Variants in CTSC observed in about 807,000 individuals in gnomAD.
The protein encoded by CTSC is dipeptidyl peptidase 1.
CTSC carries 37 observed loss-of-function variants against 40.9 expected under a neutral mutation model. That is an observed-to-expected ratio of 0.91 (90% CI 0.70 to 1.19). The LOEUF is 1.19. CTSC is among the 50% of genes most tolerant of loss of function. CTSC has a pLI of 0.00. For missense variants in CTSC, 594 were observed against 567.3 expected (o/e 1.05, Z -0.48); for synonymous variants, 232 against 207.4 (o/e 1.12, Z -1.02).
intron 5 of CTSC, chr11:88,299,355 C>T (rs2134769535): frequency 6.6e-6 from 1 of 152,270 alleles, no homozygotes; most frequent in African/African-American, 2.4e-5. Context: ...TTTCCAATCC[C>T]ACTTTCCAAA....
At chr11:88,317,854 C>G (rs1405794980) in intron 2 of CTSC, among the ~76,000 whole-genome samples, 1 of 152,136 alleles carries the variant, frequency 6.6e-6, no homozygotes, top group Non-Finnish European at 1.5e-5. Context: ...AGATAATTTC[C>G]TAAAATATGA....
At chr11:88,326,512 T>C (rs1423153007) in intron 2 of CTSC, 3 of 871,476 alleles carry the variant, frequency 3.4e-6, no homozygotes, top group Non-Finnish European at 5.3e-6. Flanking sequence ...TTTAATCATA[T>C]CAGTTTCTTT....
chr11:88,335,088 GA>G lies in CTSC; in HGVS notation c.173-7del, dbSNP rs11326739. ...TACTTTTTTTTCTTGTGGTCCTAAAGAAAAAAAAAAAAAGCACAATAAAGGA... is the reference window on the plus strand; with the variant it reads ...TACTTTTTTTTCTTGTGGTCCTAAAGAAAAAAAAAAAAGCACAATAAAGGA... On this transcript the variant is annotated splice_polypyrimidine_tract_variant and splice_region_variant and intron_variant, in intron 1 of 6. Coordinates refer to ENST00000227266, the MANE Select transcript of CTSC (RefSeq NM_001814.6). 0.12 allele frequency: 130,590 copies of G among 1,133,870 alleles called. 593 individuals are homozygous for G. Among genetic ancestry groups the G allele is most frequent in the East Asian group, 0.19 (6,617 of 35,462 alleles). 70.2% of individuals were successfully genotyped at this position (1,133,870 alleles called of 1,614,324 possible). A position where few individuals can be genotyped will look rare whatever the true frequency, so the allele number is the denominator to read the frequency against.
At chr11:88,308,485 ATTTT>A (rs1937684168) in intron 4 of CTSC, among the ~76,000 whole-genome samples, 1 of 151,378 alleles carries the variant, frequency 6.6e-6, no homozygotes, top group Admixed American at 6.6e-5. Flanking sequence ...ATTTTATTTT[ATTTT>A]ATTTTATCTT....
At chr11:88,324,396 A>G (rs904406861) in intron 2 of CTSC, 54 of 983,998 alleles carry the variant, frequency 5.5e-5, no homozygotes, top group East Asian at 1.1e-4. Flanking sequence ...GAAATATGCA[A>G]TTCTTTTAAA....
chr11:88,297,388 AC>A (rs1174370838), intron 5 of CTSC: 1 of 152,078 alleles, frequency 6.6e-6, no homozygotes, highest in Non-Finnish European at 1.5e-5. Context: ...GAGTGAGGAT[AC>A]TTTTTTTTTC....
At chr11:88,326,347 G>T (rs1228737854) in intron 2 of CTSC, 4 of 1,613,696 alleles carry the variant, frequency 2.5e-6, no homozygotes, top group Non-Finnish European at 3.4e-6. Flanking sequence ...GCTACAGGTA[G>T]GTCCACACTG....
intron 5 of CTSC, 196 bp from the exon 6 acceptor site, chr11:88,296,460 C>G: frequency 1.7e-6 from 1 of 586,032 alleles, no homozygotes; most frequent in Non-Finnish European, 3.0e-6. Flanking sequence ...CATCCTTTTT[C>G]ATCAAAAGGC....
intron 2 of CTSC, among the ~76,000 whole-genome samples, chr11:88,329,445 GACTCC>G (rs1938283969): frequency 1.9e-5 from 2 of 105,764 alleles, no homozygotes; most frequent in African/African-American, 3.8e-5. Flanking sequence ...GACAGAGCTA[GACTCC>G]ATTTCAAAAA....
At chr11:88,321,194 T>C (rs773037216) in intron 2 of CTSC, 28 of 230,284 alleles carry the variant, frequency 1.2e-4, no homozygotes, top group Non-Finnish European at 2.0e-4. Context: ...GCAGGTTTCT[T>C]ACATAGATAA....
At chr11:88,309,812 GCGCA>G (rs201137522) in intron 3 of CTSC, among the ~76,000 whole-genome samples, 18,234 of 107,714 alleles carry the variant, frequency 0.17, 1,936 homozygotes, top group African/African-American at 0.36. Flanking sequence ...ATATGTATGC[GCGCA>G]CACACACACA....
chr11:88,301,800 ACACACG>A (rs1404799845), intron 4 of CTSC, among the ~76,000 whole-genome samples: 4 of 84,792 alleles, frequency 4.7e-5, no homozygotes, highest in African/African-American at 1.5e-4. Context: ...ACACACACAA[ACACACG>A]CGCGCACACA....
chr11:88,307,012 G>C (rs925352059), intron 4 of CTSC, among the ~76,000 whole-genome samples: 1 of 152,150 alleles, frequency 6.6e-6, no homozygotes, highest in Non-Finnish European at 1.5e-5. Flanking sequence ...GGCAACCAAA[G>C]GTGTGAGAAG....
At chr11:88,295,406 C>A (rs779915499) in intron 6 of CTSC, among the ~76,000 whole-genome samples, 29 of 151,792 alleles carry the variant, frequency 1.9e-4, no homozygotes, top group Non-Finnish European at 3.7e-4. Flanking sequence ...CATAACAGGG[C>A]CTCACTCCGT....
intron 3 of CTSC, among the ~76,000 whole-genome samples, chr11:88,310,746 C>T (rs931442126): frequency 3.3e-5 from 5 of 152,202 alleles, no homozygotes; most frequent in African/African-American, 1.2e-4. Flanking sequence ...TATGACTACA[C>T]TAACACAATA....
chr11:88,337,612 C>T lies in CTSC; in HGVS notation c.61G>A (p.Ala21Thr). 6.3e-7 allele frequency: 1 copy of T among 1,580,870 alleles called. No individual in the cohort carries two copies. The highest frequency in any genetic ancestry group is 8.6e-7 in the Non-Finnish European group (1 of 1,162,908). The change falls in exon 1 of 7, where the codon GCC becomes ACC. Residue 21 changes from alanine (A) to threonine (T), a missense_variant. Physicochemically the swap from Ala to Thr is moderately conservative, Grantham distance 58. Transcript: ENST00000227266. ...TTGGCAGGTGTGTCGCAGCGCACGG[C>T]GCCGTCGCCGGAGAGAAGCAGCAGG... ...ALLLLLSGDG[A>T]VRCDTPANCT...
intron 4 of CTSC, among the ~76,000 whole-genome samples, chr11:88,303,144 T>A (rs901657351): frequency 3.3e-5 from 5 of 152,238 alleles, no homozygotes; most frequent in Admixed American, 3.3e-4. Context: ...AATTTTTTTT[T>A]AATTCTCTCA....
At chr11:88,298,622 A>G (rs1944323654) in intron 5 of CTSC, 1 of 152,218 alleles carries the variant, frequency 6.6e-6, no homozygotes, top group Admixed American at 6.5e-5. Flanking sequence ...ATAGAATACC[A>G]AAAGAAAGTC....
intron 4 of CTSC, among the ~76,000 whole-genome samples, chr11:88,306,518 G>C (rs912398155): frequency 4.0e-5 from 6 of 151,790 alleles, no homozygotes; most frequent in Admixed American, 6.6e-5. Flanking sequence ...GAGGAACAGA[G>C]CGGCACAGAG....
Sources: allele counts gnomAD v4.1 joint callset (sites outside exome capture counted in the v4.1 genomes callset), GRCh38; gene constraint gnomAD v4.1.1; transcripts MANE v1.5; gene names NCBI Gene and HGNC (gene_info 2026-07-23, HGNC 2026-07-21).